DSE: variants seen among roughly 807,000 people sequenced by gnomAD.
DSE encodes the protein dermatan-sulfate epimerase.
A neutral mutation model predicts 84.4 loss-of-function variants in DSE; 36 were observed. The ratio of observed to expected loss-of-function variants is 0.43; its 90% CI spans 0.33 to 0.56. The LOEUF (loss-of-function observed/expected upper bound fraction) is 0.56, where lower values mean the gene tolerates loss of function less well. Ranked by LOEUF, DSE falls within the 20% of genes least tolerant of loss-of-function variation. DSE has a pLI of 0.06. For synonymous variants in DSE, 410 were observed against 430.1 expected (o/e 0.95, Z 0.58); for missense variants, 862 against 1,169.6 (o/e 0.74, Z 3.84).
intron 2 of DSE, among the ~76,000 whole-genome samples, chr6:116,420,558 G>C (rs971220796): frequency 3.3e-5 from 5 of 152,174 alleles, no homozygotes; most frequent in Non-Finnish European, 7.3e-5. Flanking sequence ...GACCATGCGG[G>C]CACCCTGATG....
intron 2 of DSE, among the ~76,000 whole-genome samples, chr6:116,334,759 A>G (rs1777142617): frequency 6.6e-6 from 1 of 152,172 alleles, no homozygotes; most frequent in Non-Finnish European, 1.5e-5. Flanking sequence ...AGACTTTTCA[A>G]AAGACATGAG....
chr6:116,349,246 A>T (rs965725992), intron 2 of DSE, among the ~76,000 whole-genome samples: 10 of 152,108 alleles, frequency 6.6e-5, no homozygotes. Context: ...CACACCTCTA[A>T]ACCTGGATTC....
At chr6:116,267,050 G>C (rs1772656284) in intron 2 of DSE, among the ~76,000 whole-genome samples, 1 of 151,924 alleles carries the variant, frequency 6.6e-6, no homozygotes. Flanking sequence ...TGGTAATGCT[G>C]GTATAAACAA....
intron 2 of DSE, among the ~76,000 whole-genome samples, chr6:116,344,570 G>A: frequency 6.7e-6 from 1 of 149,758 alleles, no homozygotes; most frequent in Admixed American, 6.7e-5. Context: ...AATCCTTTCA[G>A]ACAAGCAAAT....
chr6:116,331,009 AAAGG>A (rs1211955926), intron 2 of DSE, among the ~76,000 whole-genome samples: 1 of 152,232 alleles, frequency 6.6e-6, no homozygotes, highest in African/African-American at 2.4e-5. Context: ...TTAACAGAAT[AAAGG>A]AAAAAATTAT....
chr6:116,281,873 G>T (rs1167764832), intron 2 of DSE, among the ~76,000 whole-genome samples: 1 of 152,220 alleles, frequency 6.6e-6, no homozygotes, highest in Non-Finnish European at 1.5e-5. Flanking sequence ...AAACCAGAGG[G>T]CTGCTCTATT....
intron 2 of DSE, among the ~76,000 whole-genome samples, chr6:116,306,742 G>C (rs1775369457): frequency 6.6e-6 from 1 of 152,148 alleles, no homozygotes; most frequent in African/African-American, 2.4e-5. Flanking sequence ...ATACTCTTTA[G>C]AGATGGGGCC....
chr6:116,397,492 C>G (rs1043883121), intron 1 of DSE, among the ~76,000 whole-genome samples: 1 of 152,194 alleles, frequency 6.6e-6, no homozygotes, highest in African/African-American at 2.4e-5. Flanking sequence ...CAGGCATGAG[C>G]CACCGTGCCT....
At position 116,440,423 on chromosome 6, in the gene DSE, A is replaced by C. The variant is rs773931036; in HGVS notation, c.*3078A>C. On this transcript the variant is annotated 3_prime_UTR_variant, in exon 6 of 6. Transcript: ENST00000644252. ...AGCGATTCTTCTGCCTCAGCCTTCC[A>C]AAGTACTGGGATTAGAGGCATAGGT... 6.6e-6 allele frequency: 1 copy of C among 152,172 alleles called. No individual in the cohort carries two copies. Among genetic ancestry groups the C allele is most frequent in the Non-Finnish European group, 1.5e-5 (1 of 68,020 alleles). The allele number at this position is 152,172 out of a possible 1,614,324, so 9.4% of individuals were successfully genotyped here. A position where few individuals can be genotyped will look rare whatever the true frequency, so the allele number is the denominator to read the frequency against.
At chr6:116,356,495 C>T (rs1460111372) in intron 2 of DSE, among the ~76,000 whole-genome samples, 1 of 152,012 alleles carries the variant, frequency 6.6e-6, no homozygotes, top group Non-Finnish European at 1.5e-5. Flanking sequence ...TTTAATGTGG[C>T]AATAAAGCAT....
intron 2 of DSE, among the ~76,000 whole-genome samples, chr6:116,301,002 C>G (rs1210305226): frequency 6.6e-6 from 1 of 152,142 alleles, no homozygotes; most frequent in Non-Finnish European, 1.5e-5. Flanking sequence ...GTGAAATCAT[C>G]TTACTGTGTT....
At chr6:116,288,062 A>G (rs1774038477) in intron 2 of DSE, 1 of 152,070 alleles carries the variant, frequency 6.6e-6, no homozygotes. Flanking sequence ...TGATGGCTCC[A>G]ATACTCAAAT....
In DSE at chr6:116,316,199, A is replaced by G. The variant is rs577896747; in HGVS notation, c.-54+57232A>G. On this transcript the variant is annotated intron_variant, in intron 2 of 3. Transcript: ENST00000430252. ...AATCTTTAAAATGTATTCTAAAAGG[A>G]GTTCAGATTGAACCTTTTGTTTAAA... Among the ~76,000 whole-genome samples, 5 of 152,298 alleles carry G rather than the reference A, an allele frequency of 3.3e-5. No homozygotes were observed. The East Asian group carries it at 9.6e-4, about 29-fold the overall frequency.
chr6:116,271,251 G>C (rs1218593982), intron 2 of DSE, among the ~76,000 whole-genome samples: 2 of 152,190 alleles, frequency 1.3e-5, no homozygotes, highest in Admixed American at 1.3e-4. Context: ...TGGCACATTG[G>C]TTAAAACCGG....
chr6:116,318,118 T>A (rs560351181), intron 2 of DSE, among the ~76,000 whole-genome samples: 6 of 152,324 alleles, frequency 3.9e-5, no homozygotes, highest in Non-Finnish European at 8.8e-5. Flanking sequence ...CTGTATGACA[T>A]GCTGAGGCAT....
intron 2 of DSE, 186 bp downstream of exon 2, chr6:116,399,852 C>T: frequency 1.7e-6 from 1 of 586,180 alleles, no homozygotes; most frequent in Non-Finnish European, 2.9e-6. Context: ...TAGTAACTTC[C>T]ATGTTTAAAG....
chr6:116,280,016 C>A, intron 2 of DSE: 2 of 774,798 alleles, frequency 2.6e-6, no homozygotes, highest in Non-Finnish European at 4.4e-6. Context: ...CCGCCGCTCC[C>A]TGCCAGCCAA....
intron 2 of DSE, among the ~76,000 whole-genome samples, chr6:116,418,699 G>A (rs1782882457): frequency 6.6e-6 from 1 of 152,124 alleles, no homozygotes; most frequent in Admixed American, 6.5e-5. Context: ...GGCATGTTCT[G>A]GCTCAGTTCT....
At position 116,437,438 on chromosome 6, in the gene DSE, C is replaced by G; in HGVS notation, c.*93C>G. 3.4e-6 allele frequency: 4 copies of G among 1,192,996 alleles called. 1 individual carries two copies. In the South Asian group the frequency reaches 7.4e-5, roughly 22 times the overall value. The allele number at this position is 1,192,996 out of a possible 1,614,324, so 73.9% of individuals were successfully genotyped here. A position where few individuals can be genotyped will look rare whatever the true frequency, so the allele number is the denominator to read the frequency against. On this transcript the variant is annotated 3_prime_UTR_variant, in exon 6 of 6. Transcript: ENST00000644252. ...TACCCCAGATTATCAGATTTTTTTC[C>G]CTCAGATTCATTTTAACAAATTAAG...
Sources: gnomAD v4.1 joint callset for allele counts (sites outside exome capture counted in the v4.1 genomes callset) on GRCh38, gnomAD v4.1.1 for gene constraint, MANE v1.5 for transcripts, NCBI Gene and HGNC (gene_info 2026-07-23, HGNC 2026-07-21) for gene names.